SLC15A1: variants seen among roughly 807,000 people sequenced by gnomAD.
SLC15A1 encodes the protein solute carrier family 15 member 1.
A neutral mutation model predicts 92.9 loss-of-function variants in SLC15A1; 83 were observed. That is an observed-to-expected ratio of 0.89 (90% CI 0.75 to 1.07). The LOEUF (loss-of-function observed/expected upper bound fraction) is 1.07. Among genes scored for constraint, SLC15A1 ranks in the 50% least tolerant of loss-of-function variants. SLC15A1 has a pLI of 0.00. For synonymous variants in SLC15A1, 322 were observed against 318.2 expected (o/e 1.01, Z -0.13); for missense variants, 857 against 880.1 (o/e 0.97, Z 0.33).
At chr13:98,708,646 C>A in intron 15 of SLC15A1, 40 bp downstream of exon 15, 1 of 1,556,844 alleles carries the variant, frequency 6.4e-7, no homozygotes, top group Non-Finnish European at 8.8e-7. Context: ...CCACCTAAAT[C>A]CACCAGGAAA....
intron 5 of SLC15A1, among the ~76,000 whole-genome samples, chr13:98,722,611 A>T (rs2088269384): frequency 6.6e-6 from 1 of 152,170 alleles, no homozygotes; most frequent in South Asian, 2.1e-4. Context: ...GTTGCTTTTA[A>T]ACACTTAAAA....
At chr13:98,718,488 TA>T (rs1232716277) in intron 8 of SLC15A1, among the ~76,000 whole-genome samples, 3 of 150,888 alleles carry the variant, frequency 2.0e-5, no homozygotes, top group Non-Finnish European at 4.4e-5. Flanking sequence ...CCCAGCTAAT[TA>T]AAAAAACAAG....
rs1355523940 is a variant in SLC15A1, at chr13:98,704,449, G to A, written c.1270-14C>T. Reference sequence around the variant, plus strand: ...AAATGCATTTGTCTATAGAGGGAGGGAAAGAGGCATAGTTAATATCACAGA... The same window carrying A: ...AAATGCATTTGTCTATAGAGGGAGGAAAAGAGGCATAGTTAATATCACAGA... On this transcript the variant is annotated splice_polypyrimidine_tract_variant and intron_variant, in intron 16 of 22. Transcript: ENST00000376503. 3.1e-6 allele frequency: 5 copies of A among 1,606,814 alleles called. No homozygotes were observed. The highest frequency in any genetic ancestry group is 4.2e-6 in the Non-Finnish European group (5 of 1,176,574).
chr13:98,743,398 C>T (rs1594011622), intron 1 of SLC15A1, among the ~76,000 whole-genome samples: 1 of 152,206 alleles, frequency 6.6e-6, no homozygotes, highest in Non-Finnish European at 1.5e-5. Context: ...CAACTTTCAG[C>T]ATCTTGTTCC....
chr13:98,712,475 T>C (rs1243045698), intron 10 of SLC15A1, 23 bp downstream of exon 10: 6 of 1,565,238 alleles, frequency 3.8e-6, no homozygotes, highest in East Asian at 2.2e-5. Context: ...ATCAGGGTCA[T>C]TGTAGCAATG....
intron 18 of SLC15A1, among the ~76,000 whole-genome samples, chr13:98,690,816 A>C (rs1179329225): frequency 6.6e-6 from 1 of 152,090 alleles, no homozygotes; most frequent in Non-Finnish European, 1.5e-5. Context: ...TACTGGAGGC[A>C]ACTGTGACAC....
chr13:98,692,014 G>C (rs7983051), intron 18 of SLC15A1, among the ~76,000 whole-genome samples: 1 of 151,472 alleles, frequency 6.6e-6, no homozygotes, highest in Non-Finnish European at 1.5e-5. Flanking sequence ...TGGAGGTTGC[G>C]GTGAGCCGAG....
chr13:98,730,792 G>A (rs1453465724), intron 1 of SLC15A1, among the ~76,000 whole-genome samples: 1 of 152,232 alleles, frequency 6.6e-6, no homozygotes, highest in African/African-American at 2.4e-5. Flanking sequence ...ACAGTGCTCA[G>A]ATCCAGCTCT....
chr13:98,716,514 CG>C (rs1430415465), intron 8 of SLC15A1, among the ~76,000 whole-genome samples: 4 of 151,330 alleles, frequency 2.6e-5, no homozygotes, highest in African/African-American at 9.7e-5. Flanking sequence ...CCCAGCTACT[CG>C]GGAGGCTGAG....
intron 1 of SLC15A1, among the ~76,000 whole-genome samples, chr13:98,748,685 A>T (rs1411525554): frequency 6.6e-6 from 1 of 152,280 alleles, no homozygotes; most frequent in Non-Finnish European, 1.5e-5. Flanking sequence ...ATGTACCCAC[A>T]TGGACAAGCC....
chr13:98,696,803 A>T (rs1593982581), intron 18 of SLC15A1, among the ~76,000 whole-genome samples: 1 of 152,118 alleles, frequency 6.6e-6, no homozygotes, highest in South Asian at 2.1e-4. Flanking sequence ...TCAGAGAGGG[A>T]CTGTATTTGG....
intron 18 of SLC15A1, among the ~76,000 whole-genome samples, chr13:98,691,105 G>A (rs1220271274): frequency 2.0e-5 from 3 of 151,918 alleles, no homozygotes; most frequent in African/African-American, 7.3e-5. Context: ...GTGCAGTGGT[G>A]CGATCTCGGC....
chr13:98,752,567 C>T, intron 1 of SLC15A1, 28 bp downstream of exon 1: 3 of 1,262,466 alleles, frequency 2.4e-6, no homozygotes, highest in Non-Finnish European at 2.0e-6. Context: ...GTCTTTAGCC[C>T]GGCCGGCCCC....
At chr13:98,731,580 T>C (rs865955066) in intron 1 of SLC15A1, among the ~76,000 whole-genome samples, 5 of 152,180 alleles carry the variant, frequency 3.3e-5, no homozygotes, top group Middle Eastern at 3.4e-3. Context: ...ATCACCCAAA[T>C]CCAGCAGAGA....
chr13:98,717,806 C>A lies in SLC15A1; in HGVS notation c.640+1431G>T, dbSNP rs1224046999. On this transcript the variant is annotated intron_variant, in intron 8 of 22. Coordinates refer to ENST00000376503, the MANE Select transcript of SLC15A1 (RefSeq NM_005073.4). The stretch of plus-strand genomic sequence containing the variant: ...AAATTGGAGAGAGAGACGTGATTGT[C>A]AGCTGAGCAAAGCTGATGACAACCT... Among the ~76,000 whole-genome samples the A allele has an allele frequency of 2.0e-5, 3 of 152,168 alleles. No individual in the cohort carries two copies. The South Asian group carries it at 6.2e-4, about 32-fold the overall frequency.
At chr13:98,698,189 T>C (rs2088038621) in intron 18 of SLC15A1, among the ~76,000 whole-genome samples, 1 of 152,208 alleles carries the variant, frequency 6.6e-6, no homozygotes, top group Admixed American at 6.5e-5. Context: ...AGTTGAGGGA[T>C]ACATTTTCAA....
rs2088301900 is a variant in SLC15A1 at position 98,726,444 on chromosome 13, G to A, written c.27C>T (p.Phe9=). The A allele has an allele frequency of 1.2e-6, 2 of 1,613,660 alleles. No homozygotes were observed. The highest frequency in any genetic ancestry group is 1.7e-6 in the Non-Finnish European group (2 of 1,179,810). ...AGAAGATGCTCAGGGGATAACCAAA[G>A]AAACTCTGACAAAAAAGAAACAAGC... The part of the protein sequence containing the change: MGMSKSHS[F]FGYPLSIFFI... The change falls in exon 3 of 23, where the codon TTC becomes TTT. Residue 9 remains phenylalanine (F), a synonymous_variant. Transcript: ENST00000376503.
intron 1 of SLC15A1, among the ~76,000 whole-genome samples, chr13:98,729,787 G>C (rs1262431497): frequency 6.6e-6 from 1 of 152,168 alleles, no homozygotes; most frequent in Non-Finnish European, 1.5e-5. Context: ...TGACCACGGG[G>C]CCCTCCAGGC....
At chr13:98,722,865 C>T (rs547738930) in intron 5 of SLC15A1, among the ~76,000 whole-genome samples, 7 of 152,280 alleles carry the variant, frequency 4.6e-5, no homozygotes, top group South Asian at 4.1e-4. Context: ...TGCTCCAATA[C>T]GAACTCCATG....
Sources: allele counts gnomAD v4.1 joint callset (sites outside exome capture counted in the v4.1 genomes callset), GRCh38; gene constraint gnomAD v4.1.1; transcripts MANE v1.5; gene names NCBI Gene and HGNC (gene_info 2026-07-23, HGNC 2026-07-21).